TFDP2: variants seen among roughly 807,000 people sequenced by gnomAD.
TFDP2 encodes transcription factor Dp-2 (E2F dimerization partner 2).
In TFDP2, 17 loss-of-function variants were observed where a neutral mutation model predicts 59.3. That is an observed-to-expected ratio of 0.29 (90% CI 0.20 to 0.43). The LOEUF is 0.43. Ranked by LOEUF, TFDP2 falls within the 20% of genes least tolerant of loss-of-function variation. The probability of loss-of-function intolerance (pLI) is 1.00; values close to 1 mark genes in which losing one functional copy is unlikely to be tolerated. For synonymous variants in TFDP2, 180 were observed against 194.7 expected (o/e 0.92, Z 0.63); for missense variants, 391 against 528.8 (o/e 0.74, Z 2.56).
chr3:142,083,504 C>A (rs932190373), intron 3 of TFDP2, among the ~76,000 whole-genome samples: 6 of 152,080 alleles, frequency 3.9e-5, no homozygotes, highest in African/African-American at 1.4e-4. Flanking sequence ...AAAAAACAAT[C>A]CTAAAATTTA....
intron 3 of TFDP2, among the ~76,000 whole-genome samples, chr3:142,037,482 G>A (rs1946743801): frequency 2.6e-5 from 4 of 152,168 alleles, no homozygotes. Context: ...AACCTAGAAG[G>A]TGAAGAGGTC....
At chr3:142,063,333 T>C (rs780069203) in intron 3 of TFDP2, among the ~76,000 whole-genome samples, 4 of 152,230 alleles carry the variant, frequency 2.6e-5, no homozygotes, top group Admixed American at 1.3e-4. Flanking sequence ...TATTAAAATA[T>C]GCTTACATAA....
At chr3:142,033,020 A>G (rs1453983312) in intron 3 of TFDP2, among the ~76,000 whole-genome samples, 1 of 151,964 alleles carries the variant, frequency 6.6e-6, no homozygotes, top group African/African-American at 2.4e-5. Flanking sequence ...ACATGGTGAA[A>G]CCCCTCTCTA....
At chr3:142,070,155 T>C (rs1460578764) in intron 3 of TFDP2, among the ~76,000 whole-genome samples, 1 of 151,668 alleles carries the variant, frequency 6.6e-6, no homozygotes, top group African/African-American at 2.4e-5. Context: ...AATCTGCCCA[T>C]CTCGGCCTCC....
At chr3:141,990,268 G>A (rs1487928642) in intron 6 of TFDP2, among the ~76,000 whole-genome samples, 1 of 151,958 alleles carries the variant, frequency 6.6e-6, no homozygotes, top group Non-Finnish European at 1.5e-5. Context: ...GAGTAAACAT[G>A]AGACGGAGTC....
intron 3 of TFDP2, among the ~76,000 whole-genome samples, chr3:142,065,509 G>GGTGTGTGTGT (rs113935011): frequency 6.7e-6 from 1 of 148,254 alleles, no homozygotes; most frequent in Non-Finnish European, 1.5e-5. Context: ...TGTGTGTGTG[G>GGTGTGTGTGT]GTGTGTGTGT....
At chr3:142,072,603 G>C (rs2060284531) in intron 3 of TFDP2, among the ~76,000 whole-genome samples, 2 of 152,190 alleles carry the variant, frequency 1.3e-5, no homozygotes, top group African/African-American at 2.4e-5. Context: ...GATGAGTCTG[G>C]GGGATCTTGC....
intron 1 of TFDP2, among the ~76,000 whole-genome samples, chr3:142,135,181 C>A (rs1296472661): frequency 6.6e-6 from 1 of 152,052 alleles, no homozygotes; most frequent in African/African-American, 2.4e-5. Flanking sequence ...TCATAGCATA[C>A]TACAGCCTTG....
chr3:142,101,992 C>T (rs2061330306), intron 1 of TFDP2, among the ~76,000 whole-genome samples, 151 bp from the exon 2 acceptor site: 1 of 152,134 alleles, frequency 6.6e-6, no homozygotes. Context: ...ATCTTAATCC[C>T]CATTTTCCAA....
chr3:142,061,429 G>A (rs1363316103), intron 3 of TFDP2, among the ~76,000 whole-genome samples: 2 of 152,060 alleles, frequency 1.3e-5, no homozygotes, highest in Admixed American at 1.3e-4. Context: ...CCAGATAGCT[G>A]ATAAAACATT....
intron 4 of TFDP2, 39 bp from the exon 5 acceptor site, chr3:141,995,180 A>G (rs771301267): frequency 4.7e-6 from 7 of 1,485,670 alleles, no homozygotes; most frequent in South Asian, 4.4e-5. Flanking sequence ...ATTCTTAATT[A>G]TTAAGAAAAG....
intron 3 of TFDP2, chr3:142,043,957 C>T (rs61729566): frequency 2.6e-6 from 2 of 760,310 alleles, no homozygotes; most frequent in African/African-American, 1.7e-5. Flanking sequence ...TGTACCCTTC[C>T]GCTTACCTAT....
At chr3:142,111,156 C>T (rs1172122000) in intron 1 of TFDP2, among the ~76,000 whole-genome samples, 1 of 151,946 alleles carries the variant, frequency 6.6e-6, no homozygotes, top group Non-Finnish European at 1.5e-5. Context: ...AGGCTGGGTG[C>T]GGTGGCTCAC....
intron 8 of TFDP2, among the ~76,000 whole-genome samples, chr3:141,971,441 C>A (rs56001234): frequency 0.075 from 11,226 of 150,114 alleles, 523 homozygotes; most frequent in Non-Finnish European, 0.11. Flanking sequence ...CCCAGCTACT[C>A]GGGAGGCTGA....
chr3:142,072,899 G>A (rs1302780938), intron 3 of TFDP2, among the ~76,000 whole-genome samples: 1 of 152,164 alleles, frequency 6.6e-6, no homozygotes, highest in African/African-American at 2.4e-5. Context: ...TCCCCTCAAG[G>A]AGGGAGAGCA....
At position 142,096,080 on chromosome 3, in the gene TFDP2, G is replaced by A. The variant is rs942073220; in HGVS notation, c.16-2953C>T. 6.6e-5 allele frequency among the ~76,000 whole-genome samples: 10 copies of A among 152,246 alleles called. No homozygotes were observed. The East Asian group carries it at 1.9e-3, about 29-fold the overall frequency. On this transcript the variant is annotated intron_variant, in intron 2 of 12. Coordinates refer to ENST00000489671, the MANE Select transcript of TFDP2 (RefSeq NM_001178139.2). Reference sequence around the variant, plus strand: ...ACTTCTGCAGAGTAAAACAGCCAACGAATGTGGAAACTTTTTAAGCAGCTG... The same window carrying A: ...ACTTCTGCAGAGTAAAACAGCCAACAAATGTGGAAACTTTTTAAGCAGCTG...
At chr3:142,019,649 C>CA (rs1357729975) in intron 3 of TFDP2, among the ~76,000 whole-genome samples, 4 of 147,652 alleles carry the variant, frequency 2.7e-5, no homozygotes, top group Admixed American at 6.8e-5. Context: ...TATTAAACAC[C>CA]CCCCCCAACA....
At chr3:142,138,034 T>C (rs2062801125) in intron 1 of TFDP2, among the ~76,000 whole-genome samples, 1 of 152,236 alleles carries the variant, frequency 6.6e-6, no homozygotes, top group Non-Finnish European at 1.5e-5. Context: ...GGCTATTAAT[T>C]ATTGCCTCAA....
At chr3:142,069,150 G>A (rs770844145) in intron 3 of TFDP2, among the ~76,000 whole-genome samples, 11 of 151,970 alleles carry the variant, frequency 7.2e-5, no homozygotes, top group Non-Finnish European at 7.4e-5. Flanking sequence ...TCCTGACCTC[G>A]TGATCCACCC....
Sources: gnomAD v4.1 joint callset for allele counts (sites outside exome capture counted in the v4.1 genomes callset) on GRCh38, gnomAD v4.1.1 for gene constraint, MANE v1.5 for transcripts, NCBI Gene and HGNC (gene_info 2026-07-23, HGNC 2026-07-21) for gene names.